The following DNM3 variants were observed in gnomAD, a reference collection of about 807,000 sequenced individuals.
DNM3 encodes the protein dynamin-3.
DNM3 carries 47 observed loss-of-function variants against 101.6 expected under a neutral mutation model. The observed-to-expected ratio is 0.46, with a 90% CI of 0.37 to 0.59. The LOEUF (loss-of-function observed/expected upper bound fraction) is 0.59. DNM3 is among the 20% of genes least tolerant of loss of function. The pLI, the probability that DNM3 is intolerant of heterozygous loss-of-function variation, is 0.00. For missense variants in DNM3, 849 were observed against 1,085.7 expected, an observed-to-expected ratio of 0.78 and a Z score of 3.06; for synonymous variants, 385 against 387.9, an observed-to-expected ratio of 0.99 and a Z score of 0.09.
intron 1 of DNM3, among the ~76,000 whole-genome samples, chr1:171,886,573 T>A (rs1287012300): frequency 6.6e-6 from 1 of 152,186 alleles, no homozygotes; most frequent in Non-Finnish European, 1.5e-5. Context: ...CACTGCTTGC[T>A]TGAAAAATTG....
chr1:172,033,174 T>A lies in DNM3; in HGVS notation c.758T>A (p.Leu253Gln). ...DGKKDIKAAM[L>Q]AERKFFLSHP... is the part of the protein sequence containing the mutation. ...AAGAAGGACATAAAGGCAGCCATGC[T>A]GGCAGAGAGGAAGTTTTTCCTTTCC... The change falls in exon 6 of 21, where the codon CTG (leucine) becomes CAG (glutamine). Residue 253 changes from leucine to glutamine, a missense_variant. By Grantham distance (113) the Leu-to-Gln change is moderately radical. Around this residue, in one of 5 missense-constraint regions of DNM3, gnomAD observed 388 missense variants for 483.0 expected, o/e 0.80. Coordinates refer to ENST00000627582, the MANE Select transcript of DNM3 (RefSeq NM_015569.5). 6.2e-7 allele frequency: 1 copy of A among 1,611,646 alleles called. No homozygotes were observed. Among genetic ancestry groups the A allele is most frequent in the Non-Finnish European group, 8.5e-7 (1 of 1,178,922 alleles).
chr1:172,037,486 T>C (rs1421477111), intron 6 of DNM3, among the ~76,000 whole-genome samples: 2 of 152,252 alleles, frequency 1.3e-5, no homozygotes, highest in African/African-American at 4.8e-5. Flanking sequence ...ATTCTTTTCA[T>C]TGATTTCAAG....
chr1:172,413,474 G>T (rs2071320777), downstream of DNM3, among the ~76,000 whole-genome samples: 2 of 152,074 alleles, frequency 1.3e-5, no homozygotes, highest in Non-Finnish European at 1.5e-5. Flanking sequence ...TGATCTGCCC[G>T]CCTCGGCTTC....
chr1:172,317,501 T>C (rs1206019196), intron 16 of DNM3, among the ~76,000 whole-genome samples: 3 of 151,020 alleles, frequency 2.0e-5, no homozygotes, highest in Non-Finnish European at 4.4e-5. Context: ...GCAAGACTAA[T>C]AAAGAAAAAA....
At chr1:172,091,235 GA>G (rs1186758018) in intron 12 of DNM3, among the ~76,000 whole-genome samples, 2 of 152,202 alleles carry the variant, frequency 1.3e-5, no homozygotes, top group African/African-American at 2.4e-5. Flanking sequence ...AGGCCCTGGG[GA>G]TATAGCAGTG....
Position 172,411,120 on chromosome 1 carries a change from A to G in DNM3, c.*3279A>G. ...AATATATGTATATGTATGGTTGTAA[A>G]TATCTATGTATACATGTACTTAGTA... is the stretch of plus-strand genomic sequence containing the variant. On this transcript the variant is annotated 3_prime_UTR_variant, in exon 21 of 21. Coordinates refer to ENST00000627582, the MANE Select transcript of DNM3 (RefSeq NM_015569.5). 1.0e-6 allele frequency: 1 copy of G among 984,308 alleles called. No homozygotes were observed. The highest frequency in any genetic ancestry group is 1.2e-6 in the Non-Finnish European group (1 of 828,932). The allele number at this position is 984,308 out of a possible 1,614,324, so 61.0% of individuals were successfully genotyped here.
chr1:172,250,387 C>T (rs1163295929), intron 14 of DNM3, among the ~76,000 whole-genome samples: 1 of 152,052 alleles, frequency 6.6e-6, no homozygotes, highest in Non-Finnish European at 1.5e-5. Context: ...AGGATTGAGC[C>T]AATTTGTAAG....
chr1:172,252,578 G>A (rs9633300), intron 14 of DNM3, among the ~76,000 whole-genome samples: 1 of 151,690 alleles, frequency 6.6e-6, no homozygotes, highest in Admixed American at 6.6e-5. Context: ...TCTCTTTCAC[G>A]GGTAACACCA....
At chr1:172,129,739 C>T (rs2056833885) in intron 13 of DNM3, among the ~76,000 whole-genome samples, 1 of 152,102 alleles carries the variant, frequency 6.6e-6, no homozygotes, top group Admixed American at 6.5e-5. Context: ...AGTTTCCTCC[C>T]ATGACACATG....
intron 1 of DNM3, among the ~76,000 whole-genome samples, chr1:171,864,979 CTT>C (rs1288965932): frequency 1.3e-5 from 2 of 152,028 alleles, no homozygotes; most frequent in Non-Finnish European, 2.9e-5. Flanking sequence ...AAAATACAGA[CTT>C]ATTTAAAATC....
At chr1:172,137,039 C>T (rs2057274799) in intron 14 of DNM3, 1 of 152,100 alleles carries the variant, frequency 6.6e-6, no homozygotes, top group South Asian at 2.1e-4. Context: ...CCTAGCTTTC[C>T]CTTTGGAGTC....
intron 10 of DNM3, among the ~76,000 whole-genome samples, chr1:172,066,308 A>G (rs1034508379): frequency 6.6e-6 from 1 of 152,208 alleles, no homozygotes; most frequent in African/African-American, 2.4e-5. Context: ...TTCTTTATAC[A>G]GAAAAGGAAT....
chr1:172,048,779 A>G (rs2049994667), intron 10 of DNM3, 29 bp downstream of exon 10: 1 of 1,606,018 alleles, frequency 6.2e-7, no homozygotes, highest in South Asian at 1.1e-5. Flanking sequence ...ACTTTCCAGT[A>G]CGTGGCTTTG....
chr1:172,049,040 C>T (rs6700538), intron 10 of DNM3, among the ~76,000 whole-genome samples: 51,124 of 152,022 alleles, frequency 0.34, 9,330 homozygotes, highest in East Asian at 0.69. Context: ...AGGCAAATGC[C>T]CTAAGCTCAT....
intron 13 of DNM3, among the ~76,000 whole-genome samples, chr1:172,115,398 G>A (rs986357350): frequency 6.6e-6 from 1 of 152,038 alleles, no homozygotes; most frequent in Non-Finnish European, 1.5e-5. Context: ...TCTTTCTCTT[G>A]TGAGTCTCTC....
At chr1:172,185,314 A>C (rs975592778) in intron 14 of DNM3, among the ~76,000 whole-genome samples, 1 of 152,148 alleles carries the variant, frequency 6.6e-6, no homozygotes, top group African/African-American at 2.4e-5. Context: ...TTCCAATTTT[A>C]TTCTCTCACT....
intron 17 of DNM3, among the ~76,000 whole-genome samples, chr1:172,341,469 T>C (rs1208552513): frequency 1.3e-5 from 2 of 152,180 alleles, no homozygotes; most frequent in Non-Finnish European, 2.9e-5. Flanking sequence ...TGCATCATGT[T>C]ACCCAACTTC....
chr1:172,230,128 G>C (rs556601583), intron 14 of DNM3, among the ~76,000 whole-genome samples: 2 of 151,860 alleles, frequency 1.3e-5, no homozygotes, highest in African/African-American at 4.8e-5. Flanking sequence ...TTGTTTGTTT[G>C]TTTGGCCTAT....
intron 1 of DNM3, among the ~76,000 whole-genome samples, chr1:171,889,036 G>C (rs2037024716): frequency 6.6e-6 from 1 of 152,212 alleles, no homozygotes; most frequent in Non-Finnish European, 1.5e-5. Context: ...CTGGATTGCA[G>C]TGGTGCAATC....
Sources: allele counts gnomAD v4.1 joint callset (sites outside exome capture counted in the v4.1 genomes callset), GRCh38; gene constraint gnomAD v4.1.1; regional missense constraint gnomAD v4.1.1; transcripts MANE v1.5; gene names NCBI Gene and HGNC (gene_info 2026-07-23, HGNC 2026-07-21).